Variants in NELL1 observed in about 807,000 individuals in gnomAD.
The protein encoded by NELL1 is protein kinase C-binding protein NELL1.
In NELL1, 76 loss-of-function variants were observed where a neutral mutation model predicts 107.4. That is an observed-to-expected ratio of 0.71 (90% CI 0.59 to 0.86). The LOEUF is 0.86. Among genes scored for constraint, NELL1 ranks in the 40% least tolerant of loss-of-function variants. The pLI is 0.00. For synonymous variants in NELL1, 353 were observed against 341.2 expected (o/e 1.03, Z -0.38); for missense variants, 1,024 against 1,005.5 (o/e 1.02, Z -0.25).
chr11:21,065,928 G>C lies in NELL1; in HGVS notation c.1301-47661G>C, dbSNP rs545916545. On this transcript the variant is annotated intron_variant, in intron 12 of 19. Coordinates refer to ENST00000357134, the MANE Select transcript of NELL1 (RefSeq NM_006157.5). ...TTGCTAGGACCATTTATAAATACTT[G>C]TTCCTTTGTAGGGGAACTCACCCAT... is the stretch of plus-strand genomic sequence containing the variant. Among the ~76,000 whole-genome samples the C allele has an allele frequency of 6.6e-5, 10 of 152,200 alleles. No individual in the cohort carries two copies. The South Asian group carries it at 1.5e-3, about 22-fold the overall frequency.
At position 21,368,329 on chromosome 11, in the gene NELL1, A is replaced by G. The variant is rs1180453138; in HGVS notation, c.1550-2524A>G. 2.0e-5 allele frequency among the ~76,000 whole-genome samples: 3 copies of G among 150,440 alleles called. No individual in the cohort carries two copies. The East Asian group carries it at 5.9e-4, about 30-fold the overall frequency. ...AATAGCTCTTCATCCCTATCCTTTA[A>G]TGCGACATGTGCAATTTAGGCATTG... On this transcript the variant is annotated intron_variant, in intron 14 of 19. Transcript: ENST00000357134.
intron 3 of NELL1, among the ~76,000 whole-genome samples, chr11:20,845,230 G>C (rs1395882599): frequency 1.3e-5 from 2 of 152,126 alleles, no homozygotes; most frequent in African/African-American, 4.8e-5. Context: ...CCTGACATTA[G>C]GACAGACTTC....
Position 21,371,021 on chromosome 11 carries a change from C to CT in NELL1, c.1645+76dup. ...GATTGATTCAGAAAGAATAACAGCT[C>CT]TTTCTTTAGAAATAATACTGTGGGT... On this transcript the variant is annotated intron_variant, in intron 15 of 19. Coordinates refer to ENST00000357134, the MANE Select transcript of NELL1 (RefSeq NM_006157.5). 4 of 1,129,194 alleles carry CT rather than the reference C, an allele frequency of 3.5e-6. No individual in the cohort carries two copies. In the South Asian group the frequency reaches 4.1e-5, roughly 12 times the overall value. 69.9% of individuals were successfully genotyped at this position (1,129,194 alleles called of 1,614,324 possible).
At chr11:20,674,376 C>T in intron 1 of NELL1, 1 of 795,910 alleles carries the variant, frequency 1.3e-6, no homozygotes, top group South Asian at 1.6e-5. Context: ...ACCTATGTGC[C>T]AGATGGAGCT....
At chr11:20,704,928 T>G (rs1030977874) in intron 2 of NELL1, among the ~76,000 whole-genome samples, 19 of 151,972 alleles carry the variant, frequency 1.3e-4, no homozygotes, top group African/African-American at 4.4e-4. Flanking sequence ...TCAAAGAGAA[T>G]AAAATACCTA....
At chr11:21,214,612 T>G (rs1857573853) in intron 13 of NELL1, among the ~76,000 whole-genome samples, 1 of 152,174 alleles carries the variant, frequency 6.6e-6, no homozygotes, top group Non-Finnish European at 1.5e-5. Flanking sequence ...TTACAGCCAT[T>G]CTAGAAAATC....
In NELL1 at chr11:21,331,572, T is replaced by A. The variant is rs538461264; in HGVS notation, c.1550-39281T>A. On this transcript the variant is annotated intron_variant, in intron 14 of 19. Coordinates refer to ENST00000357134, the MANE Select transcript of NELL1 (RefSeq NM_006157.5). ...TGGTCTTGCTGGTAAACTGCCTGAC[T>A]CTACTGGTAATACACTCAGGTATTA... Among the ~76,000 whole-genome samples, 8 of 152,242 alleles carry A rather than the reference T, an allele frequency of 5.3e-5. No homozygotes were observed. In the East Asian group the frequency reaches 1.5e-3, roughly 29 times the overall value.
intron 15 of NELL1, among the ~76,000 whole-genome samples, chr11:21,497,690 T>C (rs1421950536): frequency 2.0e-5 from 3 of 152,154 alleles, no homozygotes; most frequent in African/African-American, 7.2e-5. Context: ...ATATCATATA[T>C]TATACATAAA....
At chr11:21,398,613 G>A (rs1208608377) in intron 15 of NELL1, among the ~76,000 whole-genome samples, 1 of 151,606 alleles carries the variant, frequency 6.6e-6, no homozygotes, top group Non-Finnish European at 1.5e-5. Context: ...GAGTGAGGAG[G>A]GCAGTTAGAA....
chr11:21,311,116 G>A (rs116055633), intron 14 of NELL1, among the ~76,000 whole-genome samples: 2,831 of 152,184 alleles, frequency 0.019, 90 homozygotes, highest in African/African-American at 0.065. Context: ...TATTGATGCT[G>A]TCAGGAAACT....
intron 11 of NELL1, among the ~76,000 whole-genome samples, chr11:20,954,771 G>A (rs1267375072): frequency 2.0e-5 from 3 of 152,168 alleles, no homozygotes; most frequent in Non-Finnish European, 4.4e-5. Flanking sequence ...CTGAAGGTGA[G>A]TTTGTCTCAC....
intron 2 of NELL1, among the ~76,000 whole-genome samples, chr11:20,685,314 A>C (rs1165130187): frequency 6.6e-6 from 1 of 152,024 alleles, no homozygotes; most frequent in Non-Finnish European, 1.5e-5. Flanking sequence ...ATAAATCTAA[A>C]TTAAAATTAA....
chr11:20,881,407 G>A (rs1458152877), intron 4 of NELL1, among the ~76,000 whole-genome samples: 3 of 152,164 alleles, frequency 2.0e-5, no homozygotes, highest in Non-Finnish European at 4.4e-5. Context: ...GTAGGGCAAG[G>A]TGGTCAATAG....
chr11:20,691,307 C>T (rs1175912855), intron 2 of NELL1, among the ~76,000 whole-genome samples: 1 of 151,438 alleles, frequency 6.6e-6, no homozygotes, highest in East Asian at 1.9e-4. Flanking sequence ...CTGGCCAGAA[C>T]TTCCAACACT....
chr11:21,212,830 T>C (rs1857529328), intron 13 of NELL1, among the ~76,000 whole-genome samples: 1 of 152,186 alleles, frequency 6.6e-6, no homozygotes, highest in African/African-American at 2.4e-5. Context: ...CTTACCACTC[T>C]TGGGCAACAT....
intron 12 of NELL1, among the ~76,000 whole-genome samples, chr11:21,061,153 C>T (rs973861238): frequency 2.6e-5 from 4 of 152,154 alleles, no homozygotes; most frequent in Admixed American, 2.6e-4. Context: ...GATTTAAATC[C>T]TGGGGATACA....
chr11:21,527,705 A>G (rs1165217204), intron 15 of NELL1, among the ~76,000 whole-genome samples: 1 of 152,228 alleles, frequency 6.6e-6, no homozygotes, highest in African/African-American at 2.4e-5. Context: ...CCTTCAGCCT[A>G]TGGCTGAAAC....
At chr11:21,185,618 A>C (rs1319477613) in intron 13 of NELL1, among the ~76,000 whole-genome samples, 3 of 151,582 alleles carry the variant, frequency 2.0e-5, no homozygotes, top group African/African-American at 7.3e-5. Flanking sequence ...ACTACTTACC[A>C]TGGGCAAGCT....
At chr11:21,401,336 A>C (rs1852092911) in intron 15 of NELL1, among the ~76,000 whole-genome samples, 2 of 151,892 alleles carry the variant, frequency 1.3e-5, no homozygotes, top group African/African-American at 4.8e-5. Flanking sequence ...GATAATTAAA[A>C]GGAGCAATTG....
Sources: allele counts gnomAD v4.1 joint callset (sites outside exome capture counted in the v4.1 genomes callset), GRCh38; gene constraint gnomAD v4.1.1; transcripts MANE v1.5; gene names NCBI Gene and HGNC (gene_info 2026-07-23, HGNC 2026-07-21).